Variants in TRPM8 observed in about 807,000 individuals in gnomAD.
The protein encoded by TRPM8 is transient receptor potential cation channel subfamily M member 8, also known as TRPM8 cationic channel.
TRPM8 carries 110 observed loss-of-function variants against 133.7 expected under a neutral mutation model. The observed-to-expected ratio is 0.82, with a 90% CI of 0.70 to 0.96. The LOEUF (loss-of-function observed/expected upper bound fraction) is 0.96, where lower values mean the gene tolerates loss of function less well. Among genes scored for constraint, TRPM8 ranks in the 40% least tolerant of loss-of-function variants. The probability of loss-of-function intolerance (pLI) is 0.00; values close to 1 mark genes in which losing one functional copy is unlikely to be tolerated. For missense variants in TRPM8, 1,291 were observed against 1,379.5 expected (o/e 0.94, Z 1.02); for synonymous variants, 535 against 532.3 (o/e 1.01, Z -0.07).
At chr2:233,959,807 A>C (rs928525308) in intron 11 of TRPM8, among the ~76,000 whole-genome samples, 6 of 151,928 alleles carry the variant, frequency 3.9e-5, no homozygotes, top group African/African-American at 1.5e-4. Context: ...CTTGAGATGG[A>C]GTCTTGCTCT....
intron 2 of TRPM8, among the ~76,000 whole-genome samples, chr2:233,927,623 C>T (rs555561937): frequency 6.6e-6 from 1 of 152,278 alleles, no homozygotes; most frequent in South Asian, 2.1e-4. Context: ...CTTCCTTCAA[C>T]CCCAGTGACG....
chr2:234,007,048 C>T, intron 23 of TRPM8, 96 bp downstream of exon 23: 1 of 795,088 alleles, frequency 1.3e-6, no homozygotes, highest in Non-Finnish European at 2.1e-6. Flanking sequence ...CAGTAAAGAG[C>T]ATTTTCAACA....
intron 5 of TRPM8, among the ~76,000 whole-genome samples, chr2:233,941,134 T>G (rs1303541185): frequency 1.3e-5 from 2 of 152,234 alleles, no homozygotes; most frequent in East Asian, 1.9e-4. Flanking sequence ...AAAACAACTT[T>G]AAGCAACTAT....
chr2:233,940,644 A>C (rs1559521574), intron 5 of TRPM8, among the ~76,000 whole-genome samples: 1 of 152,228 alleles, frequency 6.6e-6, no homozygotes, highest in Non-Finnish European at 1.5e-5. Context: ...TGCTACCTTC[A>C]CTTCCCATTG....
Position 233,960,874 on chromosome 2 carries a change from T to G in TRPM8, c.1461T>G (p.Phe487Leu), listed in dbSNP as rs1691417616. ...FLENGLNLRK[F>L]LTHDVLTELF... ...AGAATGGCTTGAACCTACGGAAGTTTCTCACCCATGATGTCCTCACTGAAC... is the reference window on the plus strand; with the variant it reads ...AGAATGGCTTGAACCTACGGAAGTTGCTCACCCATGATGTCCTCACTGAAC... The change falls in exon 12 of 26, where the codon TTT becomes TTG. Residue 487 changes from phenylalanine (F) to leucine (L), a missense_variant. This residue lies in a region of TRPM8 where 963 missense variants were observed against 968.9 expected (regional missense o/e 0.99). Coordinates refer to ENST00000324695, the MANE Select transcript of TRPM8 (RefSeq NM_024080.5). The G allele has an allele frequency of 1.2e-6, 2 of 1,614,094 alleles. No homozygotes were observed. The highest frequency in any genetic ancestry group is 1.7e-6 in the Non-Finnish European group (2 of 1,180,054).
At chr2:233,979,623 C>T (rs963841668) in intron 17 of TRPM8, among the ~76,000 whole-genome samples, 6 of 152,224 alleles carry the variant, frequency 3.9e-5, no homozygotes, top group Non-Finnish European at 7.3e-5. Context: ...CCAATACATA[C>T]ACGTCGGTCC....
intron 3 of TRPM8, among the ~76,000 whole-genome samples, chr2:233,934,600 C>G (rs1691752338): frequency 6.6e-6 from 1 of 152,244 alleles, no homozygotes; most frequent in Non-Finnish European, 1.5e-5. Flanking sequence ...CCCCAACCCC[C>G]AGGAGAGCAA....
intron 9 of TRPM8, among the ~76,000 whole-genome samples, chr2:233,951,435 AG>A (rs1309280085): frequency 6.6e-6 from 1 of 152,222 alleles, no homozygotes; most frequent in Non-Finnish European, 1.5e-5. Flanking sequence ...TATTCACCAA[AG>A]ATGGCCCCAG....
chr2:233,997,344 A>T (rs999304959), intron 22 of TRPM8, among the ~76,000 whole-genome samples: 11 of 152,278 alleles, frequency 7.2e-5, no homozygotes, highest in Admixed American at 2.0e-4. Context: ...TGCTATTCAG[A>T]GGTGAGACTC....
chr2:233,974,385 C>T (rs538967201), intron 17 of TRPM8, among the ~76,000 whole-genome samples: 1 of 152,252 alleles, frequency 6.6e-6, no homozygotes, highest in East Asian at 1.9e-4. Flanking sequence ...AGGCACGCAC[C>T]ACCATGCCCA....
chr2:233,974,172 C>A (rs1691804788), intron 17 of TRPM8, among the ~76,000 whole-genome samples: 1 of 152,168 alleles, frequency 6.6e-6, no homozygotes, highest in Non-Finnish European at 1.5e-5. Context: ...GGACTGGGAA[C>A]AACTGGGACA....
At chr2:233,964,792 G>T (rs28902176) in intron 14 of TRPM8, 35 bp downstream of exon 14, 33,415 of 1,567,360 alleles carry the variant, frequency 0.021, 2,476 homozygotes, top group East Asian at 0.2. Flanking sequence ...TGGTGGGCGC[G>T]GATCTGCCAT....
In TRPM8 at chr2:233,980,241, G is replaced by T. The variant is rs201342749; in HGVS notation, c.2409G>T (p.Thr803=). 2 of 1,601,298 alleles carry T rather than the reference G, an allele frequency of 1.2e-6. No homozygotes were observed. Among genetic ancestry groups the T allele is most frequent in the Non-Finnish European group, 1.7e-6 (2 of 1,176,156 alleles). Residue 803 remains threonine (T), a synonymous_variant, in exon 18 of 26, where the codon ACG becomes ACT. Transcript: ENST00000324695. ...CTGACCTGTGGAATGTGATGGACACGCTGGGGCTTTTTTACTTCATAGCAG... is the reference window on the plus strand; with the variant it reads ...CTGACCTGTGGAATGTGATGGACACTCTGGGGCTTTTTTACTTCATAGCAG... The part of the protein sequence containing the change: ...YFTDLWNVMD[T]LGLFYFIAGI...
At chr2:233,954,311 T>A (rs1332919249) in intron 10 of TRPM8, among the ~76,000 whole-genome samples, 2 of 152,234 alleles carry the variant, frequency 1.3e-5, no homozygotes, top group Admixed American at 6.5e-5. Context: ...ATTTTTTTAT[T>A]GGGCCTCAGA....
At chr2:234,005,252 C>G (rs927509473) in intron 22 of TRPM8, among the ~76,000 whole-genome samples, 11 of 152,176 alleles carry the variant, frequency 7.2e-5, no homozygotes, top group Admixed American at 7.2e-4. Context: ...ACCTATTTCT[C>G]CACATTCTTG....
In TRPM8 at chr2:233,927,837, TTCCTTCCTTC is replaced by T. The variant is rs1559516334; in HGVS notation, c.117+1184_117+1193del. 3.8e-4 allele frequency among the ~76,000 whole-genome samples: 33 copies of T among 86,484 alleles called. 2 individuals are homozygous for T. The highest frequency in any genetic ancestry group is 2.5e-4 in the Admixed American group (2 of 8,086). 56.7% of individuals were successfully genotyped at this position (86,484 alleles called of 152,430 possible). On this transcript the variant is annotated intron_variant, in intron 2 of 25. Coordinates refer to ENST00000324695, the MANE Select transcript of TRPM8 (RefSeq NM_024080.5). ...CTTCCTTCCTTCCTTCCTTCCTTCC[TTCCTTCCTTC>T]CTTCCTTTCTTTCTCTTTCTTTCTT... is the stretch of plus-strand genomic sequence containing the variant.
chr2:233,930,772 T>C lies in TRPM8; in HGVS notation c.191+31T>C. On this transcript the variant is annotated intron_variant, in intron 3 of 25. Transcript: ENST00000324695. Reference sequence around the variant, plus strand: ...CTACTATTTTCCCTCCAGTTTTGCTTTCCAAGTTCAAAAAAATTATCAGCC... The same window carrying C: ...CTACTATTTTCCCTCCAGTTTTGCTCTCCAAGTTCAAAAAAATTATCAGCC... 2.0e-6 allele frequency: 3 copies of C among 1,535,884 alleles called. 1 individual carries two copies. The highest frequency in any genetic ancestry group is 2.3e-5 in the South Asian group (2 of 86,148).
rs1261996566 is a variant in TRPM8 at position 233,927,848 on chromosome 2, C to T, written c.117+1194C>T. 3.7e-3 allele frequency among the ~76,000 whole-genome samples: 242 copies of T among 65,980 alleles called. 7 individuals carry two copies. The highest frequency in any genetic ancestry group is 7.4e-3 in the Middle Eastern group (1 of 136). The allele number at this position is 65,980 out of a possible 152,430, so 43.3% of individuals were successfully genotyped here. ...CCTTCCTTCCTTCCTTCCTTCCTTCCTTCCTTTCTTTCTCTTTCTTTCTTT... is the reference window on the plus strand; with the variant it reads ...CCTTCCTTCCTTCCTTCCTTCCTTCTTTCCTTTCTTTCTCTTTCTTTCTTT... On this transcript the variant is annotated intron_variant, in intron 2 of 25. Coordinates refer to ENST00000324695, the MANE Select transcript of TRPM8 (RefSeq NM_024080.5).
chr2:234,002,284 T>C (rs11682848), intron 22 of TRPM8, among the ~76,000 whole-genome samples: 22,471 of 151,914 alleles, frequency 0.15, 2,124 homozygotes, highest in East Asian at 0.33. Context: ...ACCTCAGGAC[T>C]GAGGGTTGCA....
Sources: gnomAD v4.1 joint callset for allele counts (sites outside exome capture counted in the v4.1 genomes callset) on GRCh38, gnomAD v4.1.1 for gene constraint, gnomAD v4.1.1 regional missense constraint, MANE v1.5 for transcripts, NCBI Gene and HGNC (gene_info 2026-07-23, HGNC 2026-07-21) for gene names.